The following MECOM variants were observed in gnomAD, a reference collection of about 807,000 sequenced individuals.
MECOM encodes the protein histone-lysine N-methyltransferase MECOM.
In MECOM, 13 loss-of-function variants were observed where a neutral mutation model predicts 116.3. The observed-to-expected ratio is 0.11, with a 90% CI of 0.07 to 0.18. The LOEUF is 0.18. Among genes scored for constraint, MECOM ranks in the 10% least tolerant of loss-of-function variants. The pLI, the probability that MECOM is intolerant of heterozygous loss-of-function variation, is 1.00. For missense variants in MECOM, 1,299 were observed against 1,509.0 expected (o/e 0.86, Z 2.31); for synonymous variants, 528 against 535.2 (o/e 0.99, Z 0.19).
At position 169,387,261 on chromosome 3, in the gene MECOM, G is replaced by GA. The variant is rs948873380; in HGVS notation, c.38-5738dup. 1.3e-3 allele frequency among the ~76,000 whole-genome samples: 189 copies of GA among 151,086 alleles called. 1 individual carries two copies. Among genetic ancestry groups the GA allele is most frequent in the African/African-American group, 3.9e-3 (162 of 41,266 alleles). ...GTGATTTACTGCTGAGTGAAAAGCA[G>GA]AAAAAAAAATGATTTCATTTATTTG... On this transcript the variant is annotated intron_variant, in intron 1 of 16. Transcript: ENST00000651503.
chr3:169,173,466 C>T (rs1055573573), intron 2 of MECOM, among the ~76,000 whole-genome samples: 1 of 152,166 alleles, frequency 6.6e-6, no homozygotes, highest in African/African-American at 2.4e-5. Flanking sequence ...ACTGGTTTAT[C>T]CTGTTGTCCC....
intron 2 of MECOM, among the ~76,000 whole-genome samples, chr3:169,207,160 C>A (rs1423517864): frequency 6.6e-6 from 1 of 152,030 alleles, no homozygotes; most frequent in African/African-American, 2.4e-5. Context: ...CCTAAAATAG[C>A]TGAGAAATAA....
intron 1 of MECOM, among the ~76,000 whole-genome samples, chr3:169,409,209 C>T (rs190722702): frequency 1.3e-5 from 2 of 152,298 alleles, no homozygotes; most frequent in Non-Finnish European, 2.9e-5. Context: ...TCTCACAGTT[C>T]CTTTCAGCTT....
intron 6 of MECOM, among the ~76,000 whole-genome samples, 198 bp from the exon 7 acceptor site, chr3:169,121,407 C>T (rs1029216430): frequency 2.6e-5 from 4 of 152,156 alleles, no homozygotes; most frequent in African/African-American, 9.7e-5. Flanking sequence ...GCTCTATATC[C>T]TTAGCATGGT....
intron 1 of MECOM, among the ~76,000 whole-genome samples, chr3:169,489,654 C>T (rs1298681519): frequency 6.6e-6 from 1 of 151,994 alleles, no homozygotes; most frequent in South Asian, 2.1e-4. Flanking sequence ...AAGAATAATT[C>T]TTCAATAAAT....
chr3:169,656,871 G>T (rs1246529968), intron 1 of MECOM, among the ~76,000 whole-genome samples: 1 of 152,160 alleles, frequency 6.6e-6, no homozygotes, highest in Non-Finnish European at 1.5e-5. Context: ...AATTCAGTAT[G>T]TACTTCTTAG....
chr3:169,137,845 T>C (rs9811099), intron 3 of MECOM, among the ~76,000 whole-genome samples: 97,636 of 151,910 alleles, frequency 0.64, 31,961 homozygotes, highest in African/African-American at 0.73. Flanking sequence ...CACATTATTA[T>C]ACACGAAGCT....
In MECOM at chr3:169,103,103, T is replaced by C. The variant is rs1724148173; in HGVS notation, c.2605-877A>G. On this transcript the variant is annotated intron_variant, in intron 10 of 16. Coordinates refer to ENST00000651503, the MANE Select transcript of MECOM (RefSeq NM_004991.4). The stretch of plus-strand genomic sequence containing the variant: ...AGAGTCACAAGCAGAAGATGGCATT[T>C]ACTTTTAAAGTTGGCTTGATCCCTG... Among the ~76,000 whole-genome samples, 4 of 150,918 alleles carry C rather than the reference T, an allele frequency of 2.7e-5. No homozygotes were observed. In the South Asian group the frequency reaches 8.5e-4, roughly 32 times the overall value.
At chr3:169,448,476 G>A (rs945032541) in intron 1 of MECOM, among the ~76,000 whole-genome samples, 1 of 152,076 alleles carries the variant, frequency 6.6e-6, no homozygotes, top group Non-Finnish European at 1.5e-5. Flanking sequence ...ATCCAACTAG[G>A]GGTAAAGCCA....
At chr3:169,507,222 A>G (rs1240062756) in intron 1 of MECOM, among the ~76,000 whole-genome samples, 1 of 152,218 alleles carries the variant, frequency 6.6e-6, no homozygotes, top group African/African-American at 2.4e-5. Flanking sequence ...CTTGCCAGCC[A>G]CTAAAGCAAA....
Position 169,585,342 on chromosome 3 carries a change from A to G in MECOM, c.37+77994T>C, listed in dbSNP as rs1376270740. ...CGAAGATTTAAGGATTGAAGAGATG[A>G]TGATACAATATAAGTGTAGCATTTA... On this transcript the variant is annotated intron_variant, in intron 1 of 16. Transcript: ENST00000651503. 1.1e-4 allele frequency among the ~76,000 whole-genome samples: 17 copies of G among 152,360 alleles called. No individual in the cohort carries two copies. In the East Asian group the frequency reaches 3.3e-3, roughly 29 times the overall value.
chr3:169,661,315 A>G (rs74617094), intron 1 of MECOM, among the ~76,000 whole-genome samples: 3 of 37,502 alleles, frequency 8.0e-5, no homozygotes, highest in Admixed American at 4.4e-4. Flanking sequence ...TCCCCCCCCC[A>G]CACACACACT....
chr3:169,148,374 T>G (rs941430183), intron 2 of MECOM, among the ~76,000 whole-genome samples: 3 of 152,160 alleles, frequency 2.0e-5, no homozygotes, highest in East Asian at 1.9e-4. Flanking sequence ...TAATATACCT[T>G]GGGTACATTT....
At chr3:169,236,850 A>G (rs1754130970) in intron 2 of MECOM, among the ~76,000 whole-genome samples, 2 of 152,236 alleles carry the variant, frequency 1.3e-5, no homozygotes, top group Non-Finnish European at 2.9e-5. Context: ...CAACGTGCTC[A>G]GACATTCAAC....
intron 1 of MECOM, among the ~76,000 whole-genome samples, chr3:169,400,696 T>C (rs939084090): frequency 3.7e-4 from 57 of 152,204 alleles, no homozygotes; most frequent in African/African-American, 1.0e-3. Context: ...GGGGAAAATA[T>C]GGAGCCCTTT....
At chr3:169,605,038 AAC>A (rs1768341167) in intron 1 of MECOM, among the ~76,000 whole-genome samples, 1 of 152,218 alleles carries the variant, frequency 6.6e-6, no homozygotes, top group African/African-American at 2.4e-5. Context: ...ACCATTAAGA[AAC>A]ACATACAAAT....
intron 5 of MECOM, among the ~76,000 whole-genome samples, chr3:169,123,843 T>A (rs1449175591): frequency 8.6e-5 from 13 of 152,014 alleles, no homozygotes; most frequent in Admixed American, 8.5e-4. Flanking sequence ...GAACAGCAAC[T>A]CTTTTATCAA....
intron 1 of MECOM, among the ~76,000 whole-genome samples, chr3:169,538,904 G>A (rs1407041092): frequency 6.6e-6 from 1 of 151,966 alleles, no homozygotes; most frequent in African/African-American, 2.4e-5. Context: ...TCAGGGAAAA[G>A]TACCTTCACT....
At position 169,616,900 on chromosome 3, in the gene MECOM, C is replaced by T. The variant is rs138945427; in HGVS notation, c.37+46436G>A. ...TAGAGCTCTGAGCCCATTTATGATA[C>T]CAAATCTGTTTGTAACATAAATCAA... On this transcript the variant is annotated intron_variant, in intron 1 of 16. Coordinates refer to ENST00000651503, the MANE Select transcript of MECOM (RefSeq NM_004991.4). Among the ~76,000 whole-genome samples the T allele has an allele frequency of 6.6e-3, 999 of 152,274 alleles. 9 individuals carry two copies. Among genetic ancestry groups the T allele is most frequent in the African/African-American group, 0.022 (934 of 41,558 alleles).
Sources: allele counts gnomAD v4.1 joint callset (sites outside exome capture counted in the v4.1 genomes callset), GRCh38; gene constraint gnomAD v4.1.1; transcripts MANE v1.5; gene names NCBI Gene and HGNC (gene_info 2026-07-23, HGNC 2026-07-21).